Variants in ADGRV1 observed in about 807,000 individuals in gnomAD.
ADGRV1 encodes the protein G-protein coupled receptor 98.
Under a neutral mutation model 596.2 loss-of-function variants are expected in ADGRV1, and 359 were observed. The observed-to-expected ratio is 0.60, with a 90% CI of 0.55 to 0.66. ADGRV1 has a LOEUF of 0.66. ADGRV1 is among the 30% of genes least tolerant of loss of function. ADGRV1 has a pLI of 0.00. For missense variants in ADGRV1, 7,274 were observed against 7,575.6 expected, an observed-to-expected ratio of 0.96 and a Z score of 1.48; for synonymous variants, 2,681 against 2,679.2, an observed-to-expected ratio of 1.00 and a Z score of -0.02.
At chr5:91,033,351 G>T (rs899183278) in intron 85 of ADGRV1, among the ~76,000 whole-genome samples, 1 of 152,072 alleles carries the variant, frequency 6.6e-6, no homozygotes, top group Non-Finnish European at 1.5e-5. Flanking sequence ...CTTTGACGGG[G>T]TCCTACATGA....
At chr5:90,643,777 T>A in intron 13 of ADGRV1, 26 bp from the exon 14 acceptor site, 1 of 1,526,708 alleles carries the variant, frequency 6.6e-7, no homozygotes, top group Admixed American at 2.1e-5. Flanking sequence ...CTTTATAATT[T>A]CCATACTTTG....
At chr5:90,906,862 G>C (rs1403390674) in intron 83 of ADGRV1, among the ~76,000 whole-genome samples, 1 of 152,004 alleles carries the variant, frequency 6.6e-6, no homozygotes, top group Non-Finnish European at 1.5e-5. Context: ...TTTAATGTAG[G>C]AAAAGGCAGA....
chr5:90,826,168 TA>T (rs1394793350), intron 76 of ADGRV1, among the ~76,000 whole-genome samples: 1 of 152,238 alleles, frequency 6.6e-6, no homozygotes, highest in Non-Finnish European at 1.5e-5. Flanking sequence ...GGGAATTTAT[TA>T]CTCATCCAGT....
At chr5:90,737,616 G>A (rs187344369) in intron 50 of ADGRV1, among the ~76,000 whole-genome samples, 110 of 151,864 alleles carry the variant, frequency 7.2e-4, no homozygotes, top group African/African-American at 2.4e-3. Context: ...CTCCAATGTT[G>A]GGTGTATGTA....
intron 83 of ADGRV1, among the ~76,000 whole-genome samples, chr5:90,946,118 C>G (rs1776555312): frequency 6.6e-6 from 1 of 152,098 alleles, no homozygotes; most frequent in African/African-American, 2.4e-5. Context: ...GGACAAGAAC[C>G]ACCTAGAAGG....
At chr5:91,110,837 G>A (rs1162252856) in intron 87 of ADGRV1, among the ~76,000 whole-genome samples, 1 of 152,186 alleles carries the variant, frequency 6.6e-6, no homozygotes, top group Non-Finnish European at 1.5e-5. Context: ...TTCTCAGTAT[G>A]TCAGTTATGA....
At chr5:91,081,623 A>C (rs1581997465) in intron 86 of ADGRV1, among the ~76,000 whole-genome samples, 1 of 151,806 alleles carries the variant, frequency 6.6e-6, no homozygotes, top group Non-Finnish European at 1.5e-5. Context: ...CCGTCTCTAC[A>C]AAAAATACAA....
At chr5:90,770,035 G>T (rs1429999841) in intron 59 of ADGRV1, among the ~76,000 whole-genome samples, 1 of 152,062 alleles carries the variant, frequency 6.6e-6, no homozygotes, top group East Asian at 1.9e-4. Flanking sequence ...GTCAGGAAAT[G>T]GGTCTTACCC....
At position 91,155,580 on chromosome 5, in the gene ADGRV1, T is replaced by C. The variant is rs115398652; in HGVS notation, c.18802+2182T>C. ...CAGAGATTCACAATTCACATTAGCA[T>C]TTTAGCAGCTCTAAAATGTTCTAGA... On this transcript the variant is annotated intron_variant, in intron 89 of 89. Coordinates refer to ENST00000405460, the MANE Select transcript of ADGRV1 (RefSeq NM_032119.4). Among the ~76,000 whole-genome samples the C allele has an allele frequency of 2.8e-3, 427 of 152,328 alleles. 2 individuals carry two copies. The highest frequency in any genetic ancestry group is 9.8e-3 in the African/African-American group (407 of 41,574).
At chr5:91,143,480 G>A (rs116218866) in intron 87 of ADGRV1, among the ~76,000 whole-genome samples, 2 of 152,172 alleles carry the variant, frequency 1.3e-5, no homozygotes, top group East Asian at 1.9e-4. Context: ...GCTCCTCTCC[G>A]CAGCTGGTCG....
intron 50 of ADGRV1, among the ~76,000 whole-genome samples, chr5:90,731,287 T>C (rs1752506012): frequency 6.6e-6 from 1 of 152,072 alleles, no homozygotes; most frequent in South Asian, 2.1e-4. Flanking sequence ...CTGCACACTT[T>C]TAAACAACTG....
chr5:90,878,629 G>A (rs1769444031), intron 83 of ADGRV1, among the ~76,000 whole-genome samples: 1 of 152,140 alleles, frequency 6.6e-6, no homozygotes, highest in Non-Finnish European at 1.5e-5. Flanking sequence ...TCTAAAAAAT[G>A]CCTCTATGTT....
chr5:91,011,757 G>A (rs1782740885), intron 85 of ADGRV1, among the ~76,000 whole-genome samples: 1 of 150,698 alleles, frequency 6.6e-6, no homozygotes. Context: ...GGCCAGGGGG[G>A]AAAAAAAAAA....
intron 1 of ADGRV1, among the ~76,000 whole-genome samples, chr5:90,604,548 G>A (rs1484890874): frequency 6.6e-6 from 1 of 152,138 alleles, no homozygotes; most frequent in South Asian, 2.1e-4. Context: ...GACTTTTTAA[G>A]ATCTATGTAG....
intron 83 of ADGRV1, among the ~76,000 whole-genome samples, chr5:90,875,049 A>T: frequency 6.6e-6 from 1 of 152,152 alleles, no homozygotes; most frequent in Non-Finnish European, 1.5e-5. Flanking sequence ...GGTATGGGGC[A>T]CATGCCTGTA....
Position 90,778,534 on chromosome 5 carries a change from G to C in ADGRV1, c.12774G>C (p.Thr4258=). 3 of 1,612,966 alleles carry C rather than the reference G, an allele frequency of 1.9e-6. No individual in the cohort carries two copies. The South Asian group carries it at 3.3e-5, about 18-fold the overall frequency. ...AATCCAGCAGCACTGCCAACATCACGGTGGTGGCCAGCGACTCTCCCTATG... is the reference window on the plus strand; with the variant it reads ...AATCCAGCAGCACTGCCAACATCACCGTGGTGGCCAGCGACTCTCCCTATG... ...LSESSSTANI[T]VVASDSPYGR... Residue 4258 remains threonine (T), a synonymous_variant, in exon 63 of 90, where the codon ACG becomes ACC. Coordinates refer to ENST00000405460, the MANE Select transcript of ADGRV1 (RefSeq NM_032119.4).
intron 83 of ADGRV1, among the ~76,000 whole-genome samples, chr5:90,927,580 C>G (rs1159589292): frequency 6.6e-6 from 1 of 151,720 alleles, no homozygotes; most frequent in East Asian, 1.9e-4. Context: ...GGTCCTGACT[C>G]TATCCAATTT....
rs889138192 is a variant in ADGRV1 at position 91,100,390 on chromosome 5, C to T, written c.18311-1829C>T. Reference sequence around the variant, plus strand: ...AGTGAGCTGTGACAACACCACCACACTCCAGTCTGGGCAATGGAGAAAGAC... The same window carrying T: ...AGTGAGCTGTGACAACACCACCACATTCCAGTCTGGGCAATGGAGAAAGAC... On this transcript the variant is annotated intron_variant, in intron 86 of 89. Coordinates refer to ENST00000405460, the MANE Select transcript of ADGRV1 (RefSeq NM_032119.4). Among the ~76,000 whole-genome samples the T allele has an allele frequency of 4.1e-4, 63 of 151,828 alleles. 2 individuals carry two copies. Among genetic ancestry groups the T allele is most frequent in the Non-Finnish European group, 1.5e-5 (1 of 67,990 alleles).
chr5:90,712,320 A>C lies in ADGRV1; in HGVS notation c.9076A>C (p.Asn3026His), dbSNP rs1179778739. 2.6e-6 allele frequency: 4 copies of C among 1,555,788 alleles called. No homozygotes were observed. The African/African-American group carries it at 5.4e-5, about 21-fold the overall frequency. Reference sequence around the variant, plus strand: ...TTTTGCTGATGGAGAAAGGTATAAAAATGTCAATATCATGATTCTTGATGA... The same window carrying C: ...TTTTGCTGATGGAGAAAGGTATAAACATGTCAATATCATGATTCTTGATGA... The part of the protein sequence containing the change: ...LHFADGERYK[N>H]VNIMILDDDI... Residue 3026 changes from asparagine (N) to histidine (H), a missense_variant, in exon 42 of 90, where the codon AAT becomes CAT. Physicochemically the swap from Asn to His is moderately conservative, Grantham distance 68. Coordinates refer to ENST00000405460, the MANE Select transcript of ADGRV1 (RefSeq NM_032119.4).
Sources: allele counts gnomAD v4.1 joint callset (sites outside exome capture counted in the v4.1 genomes callset), GRCh38; gene constraint gnomAD v4.1.1; transcripts MANE v1.5; gene names NCBI Gene and HGNC (gene_info 2026-07-23, HGNC 2026-07-21).